Variants in DNAH3 observed in about 807,000 individuals in gnomAD.
DNAH3 encodes dynein axonemal heavy chain 3, also known as axonemal beta dynein heavy chain 3.
A neutral mutation model predicts 432.5 loss-of-function variants in DNAH3; 332 were observed. The observed-to-expected ratio is 0.77, with a 90% CI of 0.70 to 0.84. The LOEUF is 0.84. DNAH3 is among the 40% of genes least tolerant of loss of function. DNAH3 has a pLI of 0.00. For missense variants in DNAH3, 4,861 were observed against 5,114.0 expected (o/e 0.95, Z 1.51); for synonymous variants, 1,956 against 1,900.2 (o/e 1.03, Z -0.76).
chr16:20,940,267 T>C (rs1388788010), intron 59 of DNAH3, among the ~76,000 whole-genome samples: 1 of 152,140 alleles, frequency 6.6e-6, no homozygotes, highest in African/African-American at 2.4e-5. Flanking sequence ...CTTGCCATAT[T>C]GCCCAGGCTG....
At chr16:21,069,658 G>T in intron 22 of DNAH3, 64 bp from the exon 23 acceptor site, 1 of 1,365,092 alleles carries the variant, frequency 7.3e-7, no homozygotes, top group Non-Finnish European at 1.0e-6. Context: ...GGCCCATGGA[G>T]AGAGCAAATG....
At chr16:21,022,748 ATT>A (rs111992683) in intron 39 of DNAH3, among the ~76,000 whole-genome samples, 1 of 143,746 alleles carries the variant, frequency 7.0e-6, no homozygotes, top group Non-Finnish European at 1.5e-5. Flanking sequence ...TACTTACTAA[ATT>A]TTTTTTTTTT....
intron 23 of DNAH3, among the ~76,000 whole-genome samples, chr16:21,069,144 C>T (rs190075514): frequency 4.0e-4 from 61 of 151,934 alleles, no homozygotes; most frequent in Middle Eastern, 3.4e-3. Flanking sequence ...GGTGTTTCAC[C>T]ATGTTGGCCA....
intron 3 of DNAH3, among the ~76,000 whole-genome samples, chr16:21,144,578 G>A (rs1245851431): frequency 6.6e-6 from 1 of 152,162 alleles, no homozygotes; most frequent in Non-Finnish European, 1.5e-5. Context: ...CCATGCCCAC[G>A]TTCCTGCCCC....
chr16:21,120,924 TA>T, intron 10 of DNAH3: 1 of 1,155,118 alleles, frequency 8.7e-7, no homozygotes, highest in Non-Finnish European at 1.3e-6. Flanking sequence ...ATACTGGTTG[TA>T]GGAGAGCTGC....
At chr16:20,977,012 G>T (rs1358080784) in intron 50 of DNAH3, among the ~76,000 whole-genome samples, 2 of 152,136 alleles carry the variant, frequency 1.3e-5, no homozygotes, top group Non-Finnish European at 2.9e-5. Context: ...GTAGTTTTCT[G>T]GTCTCTGAAC....
intron 7 of DNAH3, among the ~76,000 whole-genome samples, chr16:21,128,712 C>T (rs1219922803): frequency 3.4e-5 from 5 of 147,710 alleles, no homozygotes; most frequent in Non-Finnish European, 7.5e-5. Flanking sequence ...AAAATAGACG[C>T]GCTGGGTGTG....
intron 22 of DNAH3, 146 bp from the exon 23 acceptor site, chr16:21,069,740 T>C (rs2090713864): frequency 8.6e-6 from 6 of 694,366 alleles, no homozygotes; most frequent in Non-Finnish European, 1.4e-5. Flanking sequence ...GGGCTCCCTA[T>C]GCTCTGGTCA....
At chr16:20,967,062 T>TTA (rs142221022) in intron 52 of DNAH3, among the ~76,000 whole-genome samples, 1,608 of 152,276 alleles carry the variant, frequency 0.011, 33 homozygotes, top group African/African-American at 0.036. Flanking sequence ...ATCAAAAAAG[T>TTA]TATACTCTGA....
intron 52 of DNAH3, among the ~76,000 whole-genome samples, chr16:20,966,515 A>G (rs1181220354): frequency 1.3e-5 from 2 of 152,162 alleles, no homozygotes; most frequent in African/African-American, 4.8e-5. Flanking sequence ...TAGAAAGTCC[A>G]TTCCCTTTAT....
intron 54 of DNAH3, among the ~76,000 whole-genome samples, chr16:20,957,235 A>T (rs2084603185): frequency 6.6e-6 from 1 of 152,180 alleles, no homozygotes. Context: ...AAAGGACCAA[A>T]TAGTACATAT....
chr16:21,066,728 A>C (rs1376644852), intron 24 of DNAH3, among the ~76,000 whole-genome samples: 1 of 152,184 alleles, frequency 6.6e-6, no homozygotes, highest in Non-Finnish European at 1.5e-5. Flanking sequence ...GTGTGGAAAA[A>C]AAGAGTCAAA....
chr16:20,953,120 TTTTG>T (rs995863729), intron 55 of DNAH3, among the ~76,000 whole-genome samples: 3 of 151,992 alleles, frequency 2.0e-5, no homozygotes, highest in African/African-American at 7.2e-5. Context: ...TAGGGAAGTT[TTTTG>T]TTTGTTTTGC....
chr16:21,051,621 C>T (rs1465081342), intron 29 of DNAH3, 49 bp downstream of exon 29: 2 of 1,586,104 alleles, frequency 1.3e-6, no homozygotes, highest in South Asian at 2.2e-5. Context: ...AGTCTTCTTC[C>T]CCTGGAGTTC....
At chr16:21,088,729 T>C (rs1264782664) in intron 18 of DNAH3, among the ~76,000 whole-genome samples, 1 of 152,184 alleles carries the variant, frequency 6.6e-6, no homozygotes, top group African/African-American at 2.4e-5. Flanking sequence ...GTGGATACAG[T>C]CAACTCAGTC....
chr16:20,959,526 T>C lies in DNAH3; in HGVS notation c.10601-122A>G. ...GGCTCACACCTGTAATCCCAACACT[T>C]TGGGAGGCCGAGGTGGGAGGATCAC... On this transcript the variant is annotated intron_variant, in intron 53 of 61. Transcript: ENST00000261383. 7 of 966,376 alleles carry C rather than the reference T, an allele frequency of 7.2e-6. No individual in the cohort carries two copies. In the South Asian group the frequency reaches 1.1e-4, roughly 15 times the overall value. The allele number at this position is 966,376 out of a possible 1,614,324, so 59.9% of individuals were successfully genotyped here.
At chr16:20,975,777 C>T (rs1007913098) in intron 50 of DNAH3, among the ~76,000 whole-genome samples, 34 of 152,134 alleles carry the variant, frequency 2.2e-4, no homozygotes, top group Non-Finnish European at 7.3e-5. Context: ...CAGAGTCTCA[C>T]TCTGTCACCC....
At chr16:21,121,579 T>C (rs1259239706) in intron 10 of DNAH3, among the ~76,000 whole-genome samples, 1 of 151,486 alleles carries the variant, frequency 6.6e-6, no homozygotes, top group East Asian at 1.9e-4. Context: ...TCTCACAAAG[T>C]AGGTCTTTTT....
At chr16:20,935,625 T>G (rs957246150) in intron 60 of DNAH3, 140 bp from the exon 61 acceptor site, 50 of 922,420 alleles carry the variant, frequency 5.4e-5, no homozygotes, top group Middle Eastern at 3.2e-4. Context: ...GCTTCTATCT[T>G]CCCACTTTTG....
Sources: gnomAD v4.1 joint callset for allele counts (sites outside exome capture counted in the v4.1 genomes callset) on GRCh38, gnomAD v4.1.1 for gene constraint, MANE v1.5 for transcripts, NCBI Gene and HGNC (gene_info 2026-07-23, HGNC 2026-07-21) for gene names.